Variants in TSHZ1 observed in about 807,000 individuals in gnomAD.
The protein encoded by TSHZ1 is teashirt homolog 1.
Under a neutral mutation model 67.1 loss-of-function variants are expected in TSHZ1, and 12 were observed. That is an observed-to-expected ratio of 0.18 (90% CI 0.11 to 0.29). The LOEUF (loss-of-function observed/expected upper bound fraction) is 0.29, where lower values mean the gene tolerates loss of function less well. Ranked by LOEUF, TSHZ1 falls within the 10% of genes least tolerant of loss-of-function variation. The pLI is 1.00. For synonymous variants in TSHZ1, 632 were observed against 622.4 expected, an observed-to-expected ratio of 1.02 and a Z score of -0.23; for missense variants, 1,305 against 1,413.9, an observed-to-expected ratio of 0.92 and a Z score of 1.23.
chr18:75,221,238 CT>C (rs1411786057), intron 1 of TSHZ1: 2 of 152,112 alleles, frequency 1.3e-5, no homozygotes, highest in Non-Finnish European at 2.9e-5. Flanking sequence ...AGGCATGGAT[CT>C]ATAGGAGCGA....
rs370514681 is a variant in TSHZ1, at chr18:75,239,147, A to C, written c.40+27231A>C. Among the ~76,000 whole-genome samples the C allele has an allele frequency of 6.3e-4, 96 of 152,362 alleles. 1 individual carries two copies. In the South Asian group the frequency reaches 0.02, roughly 31 times the overall value. The stretch of plus-strand genomic sequence containing the variant: ...TGCCATTTTGGAAGCCCACATGGAC[A>C]CAGGGTCCCCAGGGCTCTGGAAGGG... On this transcript the variant is annotated intron_variant, in intron 1 of 1. Coordinates refer to ENST00000580243, the MANE Select transcript of TSHZ1 (RefSeq NM_001308210.2).
chr18:75,235,799 C>T (rs1273177381), intron 1 of TSHZ1, among the ~76,000 whole-genome samples: 1 of 152,190 alleles, frequency 6.6e-6, no homozygotes, highest in Non-Finnish European at 1.5e-5. Flanking sequence ...CAGCCGTCTC[C>T]TCCTCCATGC....
At chr18:75,271,809 A>G (rs2023561744) in intron 1 of TSHZ1, among the ~76,000 whole-genome samples, 1 of 151,534 alleles carries the variant, frequency 6.6e-6, no homozygotes, top group Non-Finnish European at 1.5e-5. Flanking sequence ...TCTCTCTCCA[A>G]ATTAAATGAG....
chr18:75,255,763 A>C (rs1568361644), intron 1 of TSHZ1, among the ~76,000 whole-genome samples: 1 of 152,224 alleles, frequency 6.6e-6, no homozygotes, highest in Non-Finnish European at 1.5e-5. Flanking sequence ...TGTTCCAGTG[A>C]TGCTGCAGTT....
Position 75,288,870 on chromosome 18 carries a change from T to C in TSHZ1, c.*229T>C, listed in dbSNP as rs1274815339. The stretch of plus-strand genomic sequence containing the variant: ...TGACCTTTATTTTCAACATCTGTTC[T>C]TGGTGTTAAGCTATCTTTTGTAGGA... On this transcript the variant is annotated 3_prime_UTR_variant, in exon 2 of 2. Transcript: ENST00000580243. The surrounding 1 kb of genome is among the most constrained non-coding windows in gnomAD (Gnocchi z 4.9). 4 of 572,230 alleles carry C rather than the reference T, an allele frequency of 7.0e-6. No homozygotes were observed. Among genetic ancestry groups the C allele is most frequent in the Non-Finnish European group, 1.1e-5 (4 of 361,530 alleles). The allele number at this position is 572,230 out of a possible 1,614,324, so 35.4% of individuals were successfully genotyped here.
chr18:75,270,989 C>A (rs528894747), intron 1 of TSHZ1, among the ~76,000 whole-genome samples: 1 of 152,292 alleles, frequency 6.6e-6, no homozygotes, highest in South Asian at 2.1e-4. Context: ...CTTGCTTCAG[C>A]TGGTCTCAGT....
intron 1 of TSHZ1, among the ~76,000 whole-genome samples, chr18:75,253,528 T>C (rs2023328619): frequency 6.6e-6 from 1 of 152,208 alleles, no homozygotes; most frequent in Admixed American, 6.5e-5. Context: ...CAGCGGAGGT[T>C]TGGGAAGCAG....
intron 1 of TSHZ1, among the ~76,000 whole-genome samples, chr18:75,216,727 G>A (rs1405581774): frequency 6.6e-6 from 1 of 152,226 alleles, no homozygotes; most frequent in Non-Finnish European, 1.5e-5. Flanking sequence ...TATTGGTGAT[G>A]GAGTTGAACC....
chr18:75,220,996 G>A (rs2022838501), intron 1 of TSHZ1: 1 of 152,204 alleles, frequency 6.6e-6, no homozygotes, highest in South Asian at 2.1e-4. Context: ...CAGGAAAATA[G>A]CCAAGTAGAA....
At chr18:75,250,109 C>T (rs774563300) in intron 1 of TSHZ1, among the ~76,000 whole-genome samples, 1 of 146,898 alleles carries the variant, frequency 6.8e-6, no homozygotes, top group Non-Finnish European at 1.5e-5. Flanking sequence ...TGGTGGGGGA[C>T]GCATGACCTC....
At chr18:75,269,675 T>C (rs1472893323) in intron 1 of TSHZ1, among the ~76,000 whole-genome samples, 2 of 152,218 alleles carry the variant, frequency 1.3e-5, no homozygotes, top group East Asian at 3.8e-4. Flanking sequence ...TATTAACTCT[T>C]ATTAAGCGTA....
intron 1 of TSHZ1, among the ~76,000 whole-genome samples, chr18:75,212,213 A>C (rs1214969843): frequency 1.3e-5 from 2 of 152,180 alleles, no homozygotes; most frequent in East Asian, 3.9e-4. Flanking sequence ...TGGCTACCTC[A>C]GGAGGGGGCG....
intron 1 of TSHZ1, among the ~76,000 whole-genome samples, chr18:75,250,463 G>T (rs895142482): frequency 6.6e-6 from 1 of 152,244 alleles, no homozygotes; most frequent in Non-Finnish European, 1.5e-5. Flanking sequence ...AGGGGCCAGG[G>T]TGGGCGCAAG....
At position 75,281,978 on chromosome 18, in the gene TSHZ1, T is replaced by C. The variant is rs1043790286; in HGVS notation, c.41-3470T>C. On this transcript the variant is annotated intron_variant, in intron 1 of 1. Transcript: ENST00000580243. This position sits in a 1 kb window ranked among gnomAD's most constrained non-coding sequence, Gnocchi z 5.3. ...TCCCTGGGACATGAGTCCCCGTCCC[T>C]AGGGCAGGGACTTTATGGACCCCCT... Among the ~76,000 whole-genome samples the C allele has an allele frequency of 2.6e-5, 4 of 152,098 alleles. No individual in the cohort carries two copies. The highest frequency in any genetic ancestry group is 5.9e-5 in the Non-Finnish European group (4 of 67,998).
At chr18:75,216,701 G>A (rs1053633220) in intron 1 of TSHZ1, among the ~76,000 whole-genome samples, 2 of 152,194 alleles carry the variant, frequency 1.3e-5, no homozygotes. Flanking sequence ...ATTTTTTGTG[G>A]CTGCTTTTGA....
At position 75,288,506 on chromosome 18, in the gene TSHZ1, G is replaced by A. The variant is rs2023816822; in HGVS notation, c.3099G>A (p.Leu1033=). The A allele has an allele frequency of 6.2e-7, 1 of 1,614,070 alleles. No individual in the cohort carries two copies. Among genetic ancestry groups the A allele is most frequent in the African/African-American group, 1.3e-5 (1 of 74,940 alleles). The change falls in exon 2 of 2, where the codon TTG becomes TTA. Residue 1033 remains leucine, a synonymous_variant. Transcript: ENST00000580243. The surrounding 1 kb of genome is among the most constrained non-coding windows in gnomAD (Gnocchi z 4.9). Reference sequence around the variant, plus strand: ...CACTGGGGGCCACCGAGGAAGACTTGGGCTCCACATTCCAATGTAAGCTCT... The same window carrying A: ...CACTGGGGGCCACCGAGGAAGACTTAGGCTCCACATTCCAATGTAAGCTCT... ...LGPLGATEED[L]GSTFQCKLCN...
chr18:75,238,359 A>G (rs899272010), intron 1 of TSHZ1, among the ~76,000 whole-genome samples: 1 of 152,206 alleles, frequency 6.6e-6, no homozygotes. Context: ...GAGTCGTCGT[A>G]GGCAGCTCCT....
At chr18:75,232,133 G>A (rs2023007411) in intron 1 of TSHZ1, among the ~76,000 whole-genome samples, 1 of 151,858 alleles carries the variant, frequency 6.6e-6, no homozygotes, top group Admixed American at 6.6e-5. Flanking sequence ...GGCTGGTCTC[G>A]AACTCCTGAC....
rs1052441514 is a variant in TSHZ1 at position 75,281,521 on chromosome 18, G to C, written c.41-3927G>C. On this transcript the variant is annotated intron_variant, in intron 1 of 1. Coordinates refer to ENST00000580243, the MANE Select transcript of TSHZ1 (RefSeq NM_001308210.2). This position sits in a 1 kb window ranked among gnomAD's most constrained non-coding sequence, Gnocchi z 5.3. ...GGGCCAGGCCCTGAAAGCACCATGG[G>C]GGTGGCATGACAGGCGTCCTCCCTG... 5.3e-5 allele frequency among the ~76,000 whole-genome samples: 8 copies of C among 152,176 alleles called. No homozygotes were observed. Among genetic ancestry groups the C allele is most frequent in the Non-Finnish European group, 1.0e-4 (7 of 68,034 alleles).
Sources: gnomAD v4.1 joint callset for allele counts (sites outside exome capture counted in the v4.1 genomes callset) on GRCh38, gnomAD v4.1.1 for gene constraint, Gnocchi (gnomAD v3.1) non-coding constraint, MANE v1.5 for transcripts, NCBI Gene and HGNC (gene_info 2026-07-23, HGNC 2026-07-21) for gene names.